Variants in RFX3 observed in about 807,000 individuals in gnomAD.
RFX3 encodes transcription factor RFX3.
Under a neutral mutation model 98.6 loss-of-function variants are expected in RFX3, and 14 were observed. The ratio of observed to expected loss-of-function variants is 0.14; its 90% CI spans 0.09 to 0.22. The LOEUF (loss-of-function observed/expected upper bound fraction) is 0.22. Ranked by LOEUF, RFX3 falls within the 10% of genes least tolerant of loss-of-function variation. The pLI is 1.00. For synonymous variants in RFX3, 383 were observed against 328.4 expected (o/e 1.17, Z -1.80); for missense variants, 639 against 926.9 (o/e 0.69, Z 4.03).
intron 3 of RFX3, among the ~76,000 whole-genome samples, chr9:3,334,958 A>C (rs1832997182): frequency 6.6e-6 from 1 of 151,772 alleles, no homozygotes; most frequent in African/African-American, 2.4e-5. Flanking sequence ...GTCTTTACTA[A>C]AAAAATACAA....
chr9:3,346,183 G>A (rs1425471051), intron 3 of RFX3, among the ~76,000 whole-genome samples: 1 of 152,120 alleles, frequency 6.6e-6, no homozygotes, highest in African/African-American at 2.4e-5. Flanking sequence ...GCAGGGGGCA[G>A]GTTTAGATAG....
At chr9:3,524,375 C>T in intron 1 of RFX3, 1 of 249,650 alleles carries the variant, frequency 4.0e-6, no homozygotes, top group Non-Finnish European at 6.4e-6. Flanking sequence ...CTCTCCTGAG[C>T]AGGTTCAAGT....
chr9:3,493,698 AAAAT>A (rs1439290815), intron 1 of RFX3, among the ~76,000 whole-genome samples: 4,076 of 110,388 alleles, frequency 0.037, 75 homozygotes, highest in African/African-American at 0.13. Context: ...AAAAAAAAAA[AAAAT>A]ATATATATAT....
At chr9:3,401,923 T>C (rs1003708090) in intron 1 of RFX3, among the ~76,000 whole-genome samples, 2 of 152,168 alleles carry the variant, frequency 1.3e-5, no homozygotes, top group African/African-American at 4.8e-5. Context: ...GGAACAAGAT[T>C]AGCATTTCTT....
intron 1 of RFX3, among the ~76,000 whole-genome samples, chr9:3,447,337 T>C (rs954279275): frequency 4.6e-5 from 7 of 152,136 alleles, no homozygotes; most frequent in Admixed American, 2.6e-4. Flanking sequence ...TAATCATTTT[T>C]TTCTGAAACA....
At chr9:3,244,269 G>C (rs1371301493) in intron 15 of RFX3, among the ~76,000 whole-genome samples, 1 of 152,036 alleles carries the variant, frequency 6.6e-6, no homozygotes, top group Non-Finnish European at 1.5e-5. Context: ...TCCTCCCAAA[G>C]TGCTGGGATT....
At chr9:3,490,739 T>C (rs1850662454) in intron 1 of RFX3, among the ~76,000 whole-genome samples, 1 of 152,134 alleles carries the variant, frequency 6.6e-6, no homozygotes, top group Non-Finnish European at 1.5e-5. Flanking sequence ...GCTAATTTCT[T>C]GTAGAGAAGC....
intron 1 of RFX3, among the ~76,000 whole-genome samples, chr9:3,417,219 C>A: frequency 6.6e-6 from 1 of 151,738 alleles, no homozygotes; most frequent in East Asian, 1.9e-4. Flanking sequence ...CCTAGTTGAT[C>A]TGAAAAAGAA....
At chr9:3,287,520 A>C (rs893559010) in intron 7 of RFX3, among the ~76,000 whole-genome samples, 1 of 151,974 alleles carries the variant, frequency 6.6e-6, no homozygotes, top group Non-Finnish European at 1.5e-5. Flanking sequence ...GAAACTATTA[A>C]TGCTTTGATT....
chr9:3,316,517 T>C (rs1830612131), intron 4 of RFX3, among the ~76,000 whole-genome samples: 2 of 152,202 alleles, frequency 1.3e-5, no homozygotes, highest in Non-Finnish European at 2.9e-5. Context: ...TGTTGGAAGT[T>C]CTGGCCATGG....
intron 1 of RFX3, among the ~76,000 whole-genome samples, chr9:3,459,879 AT>A (rs1477248068): frequency 6.6e-6 from 1 of 152,078 alleles, no homozygotes; most frequent in African/African-American, 2.4e-5. Context: ...TTTTGAAAGT[AT>A]TTTACCTAAA....
intron 2 of RFX3, among the ~76,000 whole-genome samples, chr9:3,351,291 T>A (rs370738184): frequency 4.6e-5 from 7 of 151,984 alleles, no homozygotes; most frequent in Non-Finnish European, 7.4e-5. Flanking sequence ...ACTAAAATCT[T>A]TTTTTTAAAG....
chr9:3,288,418 T>C (rs1200796381), intron 6 of RFX3, among the ~76,000 whole-genome samples, 168 bp from the exon 7 acceptor site: 2 of 152,118 alleles, frequency 1.3e-5, no homozygotes, highest in African/African-American at 4.8e-5. Context: ...TTTATGGTGA[T>C]AAAATTTGAA....
intron 4 of RFX3, among the ~76,000 whole-genome samples, chr9:3,314,314 G>A (rs1830313967): frequency 6.6e-6 from 1 of 152,130 alleles, no homozygotes; most frequent in African/African-American, 2.4e-5. Flanking sequence ...TTACAGACAA[G>A]CAAATGCTGA....
intron 1 of RFX3, among the ~76,000 whole-genome samples, chr9:3,401,222 A>T (rs1841445835): frequency 6.6e-6 from 1 of 152,222 alleles, no homozygotes; most frequent in South Asian, 2.1e-4. Flanking sequence ...TAAAAACAGC[A>T]GATTAATTAG....
At chr9:3,346,391 G>T (rs969129397) in intron 3 of RFX3, among the ~76,000 whole-genome samples, 1 of 152,062 alleles carries the variant, frequency 6.6e-6, no homozygotes, top group Non-Finnish European at 1.5e-5. Context: ...CTAACAAGGG[G>T]TATATACATT....
intron 6 of RFX3, among the ~76,000 whole-genome samples, chr9:3,291,235 T>G (rs2991295): frequency 0.12 from 18,251 of 151,108 alleles, 3,067 homozygotes; most frequent in African/African-American, 0.38. Flanking sequence ...CGTGGTGGAG[T>G]GGGGTGGTGC....
intron 1 of RFX3, among the ~76,000 whole-genome samples, chr9:3,449,279 T>C (rs1301097271): frequency 6.6e-6 from 1 of 152,090 alleles, no homozygotes; most frequent in African/African-American, 2.4e-5. Context: ...CATTTCAAAA[T>C]TACTTCCCCA....
intron 1 of RFX3, among the ~76,000 whole-genome samples, chr9:3,415,961 T>C (rs1318812691): frequency 6.6e-6 from 1 of 152,228 alleles, no homozygotes; most frequent in African/African-American, 2.4e-5. Flanking sequence ...TTTGGTTTAA[T>C]TATCATACCT....
Sources: allele counts gnomAD v4.1 joint callset (sites outside exome capture counted in the v4.1 genomes callset), GRCh38; gene constraint gnomAD v4.1.1; transcripts MANE v1.5; gene names NCBI Gene and HGNC (gene_info 2026-07-23, HGNC 2026-07-21).